Variants in TET2 observed in about 807,000 individuals in gnomAD.
TET2 encodes the protein tet methylcytosine dioxygenase 2.
Under a neutral mutation model 142.9 loss-of-function variants are expected in TET2, and 299 were observed. The observed-to-expected ratio is 2.09, with a 90% CI of 1.90 to 2.30. TET2 has a LOEUF of 2.30. TET2 is among the 30% of genes most tolerant of loss of function. The pLI, the probability that TET2 is intolerant of heterozygous loss-of-function variation, is 0.00. For missense variants in TET2, 2,418 were observed against 2,378.0 expected, an observed-to-expected ratio of 1.02 and a Z score of -0.35; for synonymous variants, 819 against 849.0, an observed-to-expected ratio of 0.96 and a Z score of 0.61.
chr4:105,234,745 C>T lies in TET2; in HGVS notation c.803C>T (p.Ser268Leu), dbSNP rs756747663. 4 of 1,613,950 alleles carry T rather than the reference C, an allele frequency of 2.5e-6. No individual in the cohort carries two copies. The highest frequency in any genetic ancestry group is 2.2e-5 in the East Asian group (1 of 44,828). ...TTGTCCTGTGAGATCACTCACCCAT[C>T]GCATACCTCAGGGCAGATCAATTCC... ...NELSCEITHPSHTSGQINSAQ... is the reference protein window; with the variant it reads ...NELSCEITHPLHTSGQINSAQ... The change falls in exon 3 of 11, where the codon TCG (serine) becomes TTG (leucine). Residue 268 changes from serine to leucine, a missense_variant. Ser to Leu is a moderately radical substitution (Grantham distance 145, BLOSUM62 -2). Transcript: ENST00000380013.
Position 105,261,855 on chromosome 4 carries a change from TTAAA to T in TET2, c.4044+11_4044+14del, listed in dbSNP as rs896310523. ...TGATGCATATAATAATCAGGTAAGT[TTAAA>T]TAATCATTGGCAGCAATTGTAACAA... On this transcript the variant is annotated splice_region_variant and intron_variant, in intron 8 of 10. Transcript: ENST00000380013. 13 of 1,502,752 alleles carry T rather than the reference TTAAA, an allele frequency of 8.7e-6. No homozygotes were observed. Among genetic ancestry groups the T allele is most frequent in the African/African-American group, 1.4e-5 (1 of 71,732 alleles). 93.1% of individuals were successfully genotyped at this position (1,502,752 alleles called of 1,614,324 possible).
rs1553942671 is a variant in TET2 at position 105,163,854 on chromosome 4, A to AGAGAGTGTGT, written c.-193+16876_-193+16877insAGAGTGTGTG. The stretch of plus-strand genomic sequence containing the variant: ...GAGAGAGAGAGAGAGAGAGAGAGAG[A>AGAGAGTGTGT]GTGTGTGTGTGTGTGTGTGTGTGTG... On this transcript the variant is annotated intron_variant, in intron 1 of 10. Transcript: ENST00000380013. Among the ~76,000 whole-genome samples, 127 of 85,208 alleles carry AGAGAGTGTGT rather than the reference A, an allele frequency of 1.5e-3. 1 individual carries two copies. Among genetic ancestry groups the AGAGAGTGTGT allele is most frequent in the South Asian group, 4.2e-3 (9 of 2,142 alleles). The allele number at this position is 85,208 out of a possible 152,430, so 55.9% of individuals were successfully genotyped here. A position where few individuals can be genotyped will look rare whatever the true frequency, so the allele number is the denominator to read the frequency against.
Position 105,276,480 on chromosome 4 carries a change from C to G in TET2, c.5970C>G (p.Ala1990=). 6.4e-7 allele frequency: 1 copy of G among 1,551,690 alleles called. No individual in the cohort carries two copies. Among genetic ancestry groups the G allele is most frequent in the Non-Finnish European group, 8.7e-7 (1 of 1,146,998 alleles). ...TDSTVTTSPY[A]FTRVTGPYNR... ...CCACAGTAACTACATCTCCATATGCCTTCACTCGGGTCACAGGGCCTTACA... is the reference window on the plus strand; with the variant it reads ...CCACAGTAACTACATCTCCATATGCGTTCACTCGGGTCACAGGGCCTTACA... Residue 1990 remains alanine (A), a synonymous_variant, in exon 11 of 11, where the codon GCC becomes GCG. Transcript: ENST00000380013.
At chr4:105,265,260 C>T (rs755399463) in intron 8 of TET2, among the ~76,000 whole-genome samples, 31 of 152,144 alleles carry the variant, frequency 2.0e-4, no homozygotes, top group Non-Finnish European at 2.8e-4. Context: ...ACAGTTGATA[C>T]GTGGCTAGTG....
At chr4:105,226,742 C>T (rs758400999) in intron 2 of TET2, among the ~76,000 whole-genome samples, 10 of 152,170 alleles carry the variant, frequency 6.6e-5, no homozygotes, top group Middle Eastern at 3.4e-3. Flanking sequence ...AAGGCCTCAC[C>T]CAAAGCAGAT....
intron 2 of TET2, among the ~76,000 whole-genome samples, chr4:105,223,280 C>T (rs1054584288): frequency 1.3e-5 from 2 of 152,124 alleles, no homozygotes; most frequent in African/African-American, 4.8e-5. Context: ...CCAGGTCTAA[C>T]ATGTGGCTTG....
intron 2 of TET2, among the ~76,000 whole-genome samples, chr4:105,197,872 A>G (rs1726183158): frequency 6.6e-6 from 1 of 152,150 alleles, no homozygotes; most frequent in African/African-American, 2.4e-5. Flanking sequence ...TTTTTAATTT[A>G]TATTTTAATT....
Position 105,278,654 on chromosome 4 carries a change from A to C in TET2, c.*2135A>C, listed in dbSNP as rs886980788. On this transcript the variant is annotated 3_prime_UTR_variant, in exon 11 of 11. Coordinates refer to ENST00000380013, the MANE Select transcript of TET2 (RefSeq NM_001127208.3). ...TGATGTAACTAAAACTAATTTTGTA[A>C]ATCTGTTGGCTCTTTTTATTGTAAA... 6 of 232,402 alleles carry C rather than the reference A, an allele frequency of 2.6e-5. No individual in the cohort carries two copies. Among genetic ancestry groups the C allele is most frequent in the Non-Finnish European group, 2.5e-5 (3 of 117,664 alleles). 14.4% of individuals were successfully genotyped at this position (232,402 alleles called of 1,614,324 possible). A position where few individuals can be genotyped will look rare whatever the true frequency, so the allele number is the denominator to read the frequency against.
intron 6 of TET2, among the ~76,000 whole-genome samples, chr4:105,244,782 A>T (rs756234241): frequency 7.9e-5 from 12 of 151,256 alleles, no homozygotes; most frequent in Non-Finnish European, 4.4e-5. Flanking sequence ...TTTAGTAGAG[A>T]CAGGGTTTCT....
chr4:105,259,769 G>A lies in TET2; in HGVS notation c.3954G>A (p.Glu1318=), dbSNP rs967604778. The change falls in exon 7 of 11, where the codon GAG becomes GAA. Residue 1318 remains glutamate (E), a splice_region_variant and synonymous_variant. Coordinates refer to ENST00000380013, the MANE Select transcript of TET2 (RefSeq NM_001127208.3). ...KFKLLGDDPK[E]EEKLESHLQN... is the part of the protein sequence containing the mutation. ...AGCTGCTTGGGGATGACCCAAAAGAGGTTTGTTTACTTCCTGATGTATAAT... is the reference window on the plus strand; with the variant it reads ...AGCTGCTTGGGGATGACCCAAAAGAAGTTTGTTTACTTCCTGATGTATAAT... The A allele has an allele frequency of 1.9e-6, 3 of 1,549,114 alleles. No homozygotes were observed. Among genetic ancestry groups the A allele is most frequent in the African/African-American group, 1.4e-5 (1 of 72,932 alleles).
chr4:105,277,356 C>T lies in TET2; in HGVS notation c.*837C>T. ...ATAAACGTATATATGTACATATATA[C>T]ACAAACATGTATATGTGCACACACA... On this transcript the variant is annotated 3_prime_UTR_variant, in exon 11 of 11. Transcript: ENST00000380013. The T allele has an allele frequency of 4.4e-6, 1 of 224,778 alleles. No individual in the cohort carries two copies. The highest frequency in any genetic ancestry group is 2.2e-5 in the African/African-American group (1 of 44,996). The allele number at this position is 224,778 out of a possible 1,614,324, so 13.9% of individuals were successfully genotyped here.
chr4:105,172,949 C>T (rs1481262129), intron 1 of TET2, among the ~76,000 whole-genome samples: 1 of 152,116 alleles, frequency 6.6e-6, no homozygotes, highest in Non-Finnish European at 1.5e-5. Flanking sequence ...GGCTATGCTG[C>T]TACTCTCTTA....
intron 6 of TET2, among the ~76,000 whole-genome samples, chr4:105,252,827 T>C (rs1041352452): frequency 1.3e-5 from 2 of 152,180 alleles, no homozygotes; most frequent in South Asian, 2.1e-4. Context: ...ATAAAGACTA[T>C]GTATAGATTC....
chr4:105,180,961 A>G (rs1725088588), intron 1 of TET2, among the ~76,000 whole-genome samples: 2 of 152,012 alleles, frequency 1.3e-5, no homozygotes, highest in African/African-American at 4.8e-5. Context: ...TTTTAACTCA[A>G]ATCCTCAAAT....
intron 1 of TET2, 90 bp downstream of exon 1, chr4:105,147,069 G>C (rs1031412429): frequency 4.6e-5 from 7 of 152,272 alleles, no homozygotes; most frequent in Non-Finnish European, 8.8e-5. Flanking sequence ...AGCAAACCCT[G>C]TAGTGTCACC....
chr4:105,232,637 G>A (rs1254988799), intron 2 of TET2, among the ~76,000 whole-genome samples: 1 of 152,180 alleles, frequency 6.6e-6, no homozygotes, highest in Non-Finnish European at 1.5e-5. Context: ...AAAACCAAAG[G>A]CATGAAGCTC....
rs1464328461 is a variant in TET2, at chr4:105,259,664, C to G, written c.3849C>G (p.Ala1283=). ...GGCTGGATCCAGAAACCTGTGGTGC[C>G]TCCTTCTCTTTTGGTTGTTCATGGA... ...CQGLDPETCG[A]SFSFGCSWSM... is the part of the protein sequence containing the mutation. The change falls in exon 7 of 11, where the codon GCC becomes GCG. Residue 1283 remains alanine (A), a synonymous_variant. Transcript: ENST00000380013. The G allele has an allele frequency of 6.4e-7, 1 of 1,551,082 alleles. No individual in the cohort carries two copies. The highest frequency in any genetic ancestry group is 8.7e-7 in the Non-Finnish European group (1 of 1,146,520).
Position 105,275,043 on chromosome 4 carries a change from C to A in TET2, c.4538-5C>A, listed in dbSNP as rs2110311073. ...TGTTTCTGTTCTCTCTTACCCTGTC[C>A]ACAGAACTTTTGCGACTTTCAGGAC... On this transcript the variant is annotated splice_region_variant and splice_polypyrimidine_tract_variant and intron_variant, in intron 10 of 10. Transcript: ENST00000380013. 1 of 1,520,012 alleles carries A rather than the reference C, an allele frequency of 6.6e-7. No homozygotes were observed. Among genetic ancestry groups the A allele is most frequent in the Non-Finnish European group, 8.8e-7 (1 of 1,133,404 alleles). The allele number at this position is 1,520,012 out of a possible 1,614,324, so 94.2% of individuals were successfully genotyped here. A position where few individuals can be genotyped will look rare whatever the true frequency, so the allele number is the denominator to read the frequency against.
At chr4:105,204,435 A>G (rs1726695827) in intron 2 of TET2, among the ~76,000 whole-genome samples, 1 of 152,190 alleles carries the variant, frequency 6.6e-6, no homozygotes. Context: ...ACATCATGTA[A>G]TATCAGGCCT....
Sources: allele counts gnomAD v4.1 joint callset (sites outside exome capture counted in the v4.1 genomes callset), GRCh38; gene constraint gnomAD v4.1.1; transcripts MANE v1.5; gene names NCBI Gene and HGNC (gene_info 2026-07-23, HGNC 2026-07-21).